The following AARS1 variants were observed in gnomAD, a reference collection of about 807,000 sequenced individuals.
AARS1 encodes the protein alanyl-tRNA synthetase 1.
AARS1 carries 72 observed loss-of-function variants against 108.9 expected under a neutral mutation model. The observed-to-expected ratio is 0.66, with a 90% CI of 0.55 to 0.80. The LOEUF is 0.80. Ranked by LOEUF, AARS1 falls within the 30% of genes least tolerant of loss-of-function variation. The pLI, the probability that AARS1 is intolerant of heterozygous loss-of-function variation, is 0.00. For missense variants in AARS1, 1,193 were observed against 1,233.2 expected, an observed-to-expected ratio of 0.97 and a Z score of 0.49; for synonymous variants, 489 against 465.7, an observed-to-expected ratio of 1.05 and a Z score of -0.64.
chr16:70,283,245 A>G (rs1434705677), intron 1 of AARS1, among the ~76,000 whole-genome samples: 2 of 152,002 alleles, frequency 1.3e-5, no homozygotes, highest in African/African-American at 4.8e-5. Context: ...AAAAATACAA[A>G]AAGTAACTGG....
At chr16:70,268,460 C>T (rs1960318916) in intron 7 of AARS1, 81 bp from the exon 8 acceptor site, 1 of 1,168,256 alleles carries the variant, frequency 8.6e-7, no homozygotes. Context: ...CCCAAAGCAA[C>T]ACCTCTTTCA....
intron 9 of AARS1, 125 bp from the exon 10 acceptor site, chr16:70,265,787 T>G: frequency 8.3e-7 from 1 of 1,211,492 alleles, no homozygotes; most frequent in African/African-American, 1.5e-5. Context: ...ATCGGCCCTG[T>G]GTGCCCATCA....
chr16:70,253,899 C>G lies in AARS1; in HGVS notation c.2520+20G>C, dbSNP rs746557071. ...CTTTGCCTAGGAAACACTCTGGCCA[C>G]TGGTGCTGCCAGGACTCACTCGTTT... On this transcript the variant is annotated intron_variant, in intron 18 of 20. Transcript: ENST00000261772. The G allele has an allele frequency of 6.2e-7, 1 of 1,614,242 alleles. No individual in the cohort carries two copies. Among genetic ancestry groups the G allele is most frequent in the East Asian group, 2.2e-5 (1 of 44,888 alleles).
chr16:70,287,387 C>G (rs1420478009), intron 1 of AARS1, among the ~76,000 whole-genome samples: 1 of 150,956 alleles, frequency 6.6e-6, no homozygotes, highest in African/African-American at 2.4e-5. Flanking sequence ...GAGATCATGC[C>G]ATTGCACTCC....
chr16:70,277,236 A>G, intron 2 of AARS1, 82 bp from the exon 3 acceptor site: 1 of 1,352,818 alleles, frequency 7.4e-7, no homozygotes, highest in South Asian at 1.2e-5. Flanking sequence ...AGAGACGACC[A>G]CACACTAACT....
At chr16:70,269,354 AAAAAAAC>A (rs1567607362) in intron 7 of AARS1, among the ~76,000 whole-genome samples, 13 of 128,156 alleles carry the variant, frequency 1.0e-4, no homozygotes, top group African/African-American at 3.5e-4. Context: ...AAAAAAAAAA[AAAAAAAC>A]AACCGTCTCT....
intron 12 of AARS1, 115 bp downstream of exon 12, chr16:70,262,231 C>A: frequency 7.6e-7 from 1 of 1,311,058 alleles, no homozygotes; most frequent in Admixed American, 1.7e-5. Flanking sequence ...CCATGGAACC[C>A]AACCCAAAGG....
At chr16:70,286,990 G>C (rs572758364) in intron 1 of AARS1, among the ~76,000 whole-genome samples, 1 of 151,436 alleles carries the variant, frequency 6.6e-6, no homozygotes, top group Non-Finnish European at 1.5e-5. Flanking sequence ...GGTGGCTCAC[G>C]CCTGTAATCC....
intron 1 of AARS1, among the ~76,000 whole-genome samples, chr16:70,286,235 T>C (rs1960835149): frequency 6.6e-6 from 1 of 152,180 alleles, no homozygotes; most frequent in South Asian, 2.1e-4. Flanking sequence ...CATTGATTTA[T>C]TCACTGGAGG....
Position 70,282,728 on chromosome 16 carries a change from C to G in AARS1, c.36G>C (p.Gln12His). 6.2e-7 allele frequency: 1 copy of G among 1,614,106 alleles called. No homozygotes were observed. Among genetic ancestry groups the G allele is most frequent in the Non-Finnish European group, 8.5e-7 (1 of 1,180,024 alleles). Residue 12 changes from glutamine to histidine, a missense_variant, in exon 2 of 21, where the codon CAG becomes CAC. Gln to His is a conservative substitution (Grantham distance 24). Coordinates refer to ENST00000261772, the MANE Select transcript of AARS1 (RefSeq NM_001605.3). The part of the protein sequence containing the change: ...DSTLTASEIR[Q>H]RFIDFFKRNE... ...TCCTCTTGAAGAAATCTATAAATCG[C>G]TGCCGGATTTCACTTGCTGTTAGAG...
intron 4 of AARS1, chr16:70,276,217 AAAAT>A (rs1048026284): frequency 8.2e-5 from 17 of 207,116 alleles, no homozygotes; most frequent in Non-Finnish European, 8.8e-5. Flanking sequence ...CTGTCTCAAA[AAAAT>A]AAATAAATAA....
At position 70,262,503 on chromosome 16, in the gene AARS1, G is replaced by A. The variant is rs755492122; in HGVS notation, c.1514C>T (p.Thr505Met). The A allele has an allele frequency of 3.7e-6, 6 of 1,613,270 alleles. No homozygotes were observed. The highest frequency in any genetic ancestry group is 1.7e-5 in the Admixed American group (1 of 59,956). Residue 505 changes from threonine to methionine, a missense_variant, in exon 12 of 21, where the codon ACG (threonine) becomes ATG (methionine). Thr to Met is a moderately conservative substitution (Grantham distance 81). Transcript: ENST00000261772. ...CTTCTCCCTGCGCAGAGCCATCACC[G>A]TAGCCACTGTGTTCTCAAATACTGC... is the stretch of plus-strand genomic sequence containing the variant. ...GSYVFENTVA[T>M]VMALRREKMF...
At chr16:70,286,282 C>G (rs1960836267) in intron 1 of AARS1, among the ~76,000 whole-genome samples, 1 of 151,994 alleles carries the variant, frequency 6.6e-6, no homozygotes, top group Non-Finnish European at 1.5e-5. Context: ...AAGGCAGAAC[C>G]TCAGGTTTCA....
chr16:70,276,730 T>G, intron 3 of AARS1, 99 bp from the exon 4 acceptor site: 1 of 1,376,498 alleles, frequency 7.3e-7, no homozygotes, highest in Admixed American at 1.8e-5. Context: ...AATCACAACA[T>G]GTTCACTCTA....
At position 70,258,129 on chromosome 16, in the gene AARS1, A is replaced by G; in HGVS notation, c.2081T>C (p.Val694Ala). The stretch of plus-strand genomic sequence containing the variant: ...CGGGACCCCAATGGAGACGACTCGC[A>G]CAGGGTCAGGATAGGTCTCATCAAA... ...AVFDETYPDP[V>A]RVVSIGVPVS... is the part of the protein sequence containing the mutation. Residue 694 changes from valine (V) to alanine (A), a missense_variant, in exon 15 of 21, where the codon GTG becomes GCG. Val to Ala is a moderately conservative substitution (Grantham distance 64, BLOSUM62 0). Coordinates refer to ENST00000261772, the MANE Select transcript of AARS1 (RefSeq NM_001605.3). 1.9e-6 allele frequency: 3 copies of G among 1,613,376 alleles called. No homozygotes were observed. Among genetic ancestry groups the G allele is most frequent in the Non-Finnish European group, 2.5e-6 (3 of 1,179,686 alleles).
In AARS1 at chr16:70,265,091, C is replaced by T; in HGVS notation, c.1359G>A (p.Gln453=). The stretch of plus-strand genomic sequence containing the variant: ...GGTCTTCCCCACCAGCTCCCTTGCC[C>T]TGTGATTTCAGCTGTCAGCAAGAGA... ...EERKLAQLKS[Q]GKGAGGEDLI... Residue 453 remains glutamine (Q), a synonymous_variant, in exon 11 of 21, where the codon CAG becomes CAA. Transcript: ENST00000261772. 1 of 1,614,106 alleles carries T rather than the reference C, an allele frequency of 6.2e-7. No individual in the cohort carries two copies. Among genetic ancestry groups the T allele is most frequent in the Non-Finnish European group, 8.5e-7 (1 of 1,180,036 alleles).
Position 70,267,784 on chromosome 16 carries a change from T to C in AARS1, c.1097A>G (p.Lys366Arg). 1 of 1,614,204 alleles carries C rather than the reference T, an allele frequency of 6.2e-7. No individual in the cohort carries two copies. Among genetic ancestry groups the C allele is most frequent in the Non-Finnish European group, 8.5e-7 (1 of 1,180,038 alleles). The change falls in exon 9 of 21, where the codon AAG becomes AGG. Residue 366 changes from lysine to arginine, a missense_variant. Lys to Arg is a conservative substitution (Grantham distance 26). Transcript: ENST00000261772. ...GATGTCCTTCACCATGTCTGGGTCC[T>C]TCTTCAGCTCAGGAAATGCATCTCC... is the stretch of plus-strand genomic sequence containing the variant. ...SLGDAFPELK[K>R]DPDMVKDIIN...
intron 5 of AARS1, 38 bp downstream of exon 5, chr16:70,271,743 A>C: frequency 6.2e-7 from 1 of 1,603,588 alleles, no homozygotes; most frequent in Non-Finnish European, 8.5e-7. Context: ...TCCCCTGCTC[A>C]GCTCAAGGAA....
intron 7 of AARS1, among the ~76,000 whole-genome samples, 177 bp downstream of exon 7, chr16:70,269,441 G>A (rs1960345018): frequency 1.3e-5 from 2 of 151,182 alleles, no homozygotes; most frequent in Non-Finnish European, 2.9e-5. Flanking sequence ...GGAGGCTGAG[G>A]CAGAATCACT....
Sources: allele counts gnomAD v4.1 joint callset (sites outside exome capture counted in the v4.1 genomes callset), GRCh38; gene constraint gnomAD v4.1.1; transcripts MANE v1.5; gene names NCBI Gene and HGNC (gene_info 2026-07-23, HGNC 2026-07-21).